The following CDC14A variants were observed in gnomAD, a reference collection of about 807,000 sequenced individuals.
CDC14A encodes the protein cell division cycle 14A, also known as dual specificity protein phosphatase CDC14A.
In CDC14A, 53 loss-of-function variants were observed where a neutral mutation model predicts 74.4. That is an observed-to-expected ratio of 0.71 (90% CI 0.57 to 0.89). The LOEUF (loss-of-function observed/expected upper bound fraction) is 0.89. Ranked by LOEUF, CDC14A falls within the 40% of genes least tolerant of loss-of-function variation. The pLI, the probability that CDC14A is intolerant of heterozygous loss-of-function variation, is 0.00. For synonymous variants in CDC14A, 247 were observed against 258.4 expected, an observed-to-expected ratio of 0.96 and a Z score of 0.43; for missense variants, 646 against 713.7, an observed-to-expected ratio of 0.91 and a Z score of 1.08.
chr1:100,395,734 TA>T (rs1211948721), intron 4 of CDC14A, among the ~76,000 whole-genome samples: 4 of 152,218 alleles, frequency 2.6e-5, no homozygotes, highest in Admixed American at 2.6e-4. Flanking sequence ...GCATAAAATT[TA>T]TCCTTACCAA....
rs376488789 is a variant in CDC14A at position 100,390,758 on chromosome 1, A to G, written c.243A>G (p.Ile81Met). The G allele has an allele frequency of 3.7e-6, 6 of 1,612,508 alleles. No individual in the cohort carries two copies. In the African/African-American group the frequency reaches 8.0e-5, roughly 22 times the overall value. The part of the protein sequence containing the change: ...LKSYSLSRKK[I>M]VHYTCFDQRK... ...CATACAGTTTGTCAAGAAAGAAAAT[A>G]GTGCACTACACCTGTTTTGACCAAC... Residue 81 changes from isoleucine (I) to methionine (M), a missense_variant, in exon 4 of 16, where the codon ATA becomes ATG. Transcript: ENST00000336454.
rs199938137 is a variant in CDC14A, at chr1:100,499,418, C to T, written c.1755+156C>T. ...TCTGTGCTGTGAAACTGTCTATGCA[C>T]TACATTCTGCTAGCTCCTCTTCAAG... is the stretch of plus-strand genomic sequence containing the variant. On this transcript the variant is annotated intron_variant, in intron 15 of 15. Transcript: ENST00000336454. 6 of 1,532,964 alleles carry T rather than the reference C, an allele frequency of 3.9e-6. No homozygotes were observed. The South Asian group carries it at 6.5e-5, about 17-fold the overall frequency. The allele number at this position is 1,532,964 out of a possible 1,614,324, so 95.0% of individuals were successfully genotyped here. A position where few individuals can be genotyped will look rare whatever the true frequency, so the allele number is the denominator to read the frequency against.
intron 4 of CDC14A, chr1:100,393,308 A>G (rs931502496): frequency 3.6e-6 from 4 of 1,102,474 alleles, no homozygotes. Context: ...CTTTCCAGGC[A>G]TTACATCCAT....
At chr1:100,485,571 A>T (rs1227495706) in intron 11 of CDC14A, among the ~76,000 whole-genome samples, 1 of 152,128 alleles carries the variant, frequency 6.6e-6, no homozygotes, top group Admixed American at 6.5e-5. Flanking sequence ...TAAAAAAGTA[A>T]AAAAGAAAAA....
chr1:100,421,088 C>T (rs1662312284), intron 4 of CDC14A, among the ~76,000 whole-genome samples: 1 of 152,142 alleles, frequency 6.6e-6, no homozygotes, highest in Non-Finnish European at 1.5e-5. Context: ...GTACCACCCA[C>T]TAAAATGATG....
intron 4 of CDC14A, among the ~76,000 whole-genome samples, chr1:100,422,237 A>G (rs762312683): frequency 4.6e-5 from 7 of 152,218 alleles, no homozygotes; most frequent in Admixed American, 2.6e-4. Context: ...TAGCCAATCT[A>G]AAGAAGCATT....
rs765155697 is a variant in CDC14A at position 100,455,405 on chromosome 1, C to T, written c.520C>T (p.Arg174Ter). ...FDVDEYEHYE[R>*]VENGDFNWIV... ...CTCTTTTCTTACAAAATTCTGCCAG[C>T]GAGTTGAAAATGGTGACTTCAACTG... The change falls in exon 8 of 16, where the codon CGA becomes TGA. Residue 174 changes from arginine to a stop codon, truncating the protein, a stop_gained and splice_region_variant. Transcript: ENST00000336454. LOFTEE classifies it high-confidence loss of function. The T allele has an allele frequency of 8.8e-6, 14 of 1,593,182 alleles. No individual in the cohort carries two copies. The highest frequency in any genetic ancestry group is 3.5e-5 in the Admixed American group (2 of 57,316).
chr1:100,360,915 C>G (rs1258845162), intron 2 of CDC14A, among the ~76,000 whole-genome samples: 1 of 152,046 alleles, frequency 6.6e-6, no homozygotes, highest in Non-Finnish European at 1.5e-5. Context: ...TGCAGGAGAT[C>G]CCAGTGGGGA....
At chr1:100,459,126 C>CACACACACACACACAG (rs1279905046) in intron 8 of CDC14A, among the ~76,000 whole-genome samples, 2 of 144,576 alleles carry the variant, frequency 1.4e-5, no homozygotes, top group African/African-American at 5.2e-5. Context: ...CACACACACA[C>CACACACACACACACAG]AGAGAGAGAG....
At chr1:100,393,402 G>A in intron 4 of CDC14A, 1 of 817,522 alleles carries the variant, frequency 1.2e-6, no homozygotes, top group Admixed American at 1.7e-5. Flanking sequence ...TTCTTGCCAT[G>A]CAGTAATGCC....
At chr1:100,385,028 G>T (rs538948304) in intron 3 of CDC14A, among the ~76,000 whole-genome samples, 1 of 152,334 alleles carries the variant, frequency 6.6e-6, no homozygotes, top group East Asian at 1.9e-4. Context: ...TGGAATGCAT[G>T]AATTTACAAA....
rs201191239 is a variant in CDC14A, at chr1:100,468,057, G to A, written c.940G>A (p.Gly314Ser). The change falls in exon 10 of 16, where the codon GGC becomes AGC. Residue 314 changes from glycine (G) to serine (S), a missense_variant. Physicochemically the swap from Gly to Ser is moderately conservative, Grantham distance 56. Coordinates refer to ENST00000336454, the MANE Select transcript of CDC14A (RefSeq NM_003672.4). ...TGCTTGGATTAGAATATGCCGGCCAGGCTCTATTATAGGACCCCAGCAGCA... is the reference window on the plus strand; with the variant it reads ...TGCTTGGATTAGAATATGCCGGCCAAGCTCTATTATAGGACCCCAGCAGCA... ...IIAWIRICRPGSIIGPQQHFL... is the reference protein window; with the variant it reads ...IIAWIRICRPSSIIGPQQHFL... 3.1e-6 allele frequency: 5 copies of A among 1,613,324 alleles called. No individual in the cohort carries two copies. Among genetic ancestry groups the A allele is most frequent in the Non-Finnish European group, 4.2e-6 (5 of 1,179,780 alleles).
At chr1:100,440,577 T>C (rs1323207293) in intron 6 of CDC14A, among the ~76,000 whole-genome samples, 1 of 152,202 alleles carries the variant, frequency 6.6e-6, no homozygotes, top group Admixed American at 6.5e-5. Flanking sequence ...TCTGAGAAGT[T>C]ATATAAGCTA....
rs755130829 is a variant in CDC14A at position 100,499,136 on chromosome 1, C to T, written c.1629C>T (p.Asn543=). ...AGTACAACAGAAGCAGCAACAGCAA[C>T]GGGGGCAACCTGAACAGCCCCCCAG... ...NNQYNRSSNS[N]GGNLNSPPGP... Residue 543 remains asparagine (N), a synonymous_variant, in exon 15 of 16, where the codon AAC becomes AAT. Transcript: ENST00000336454. 2.2e-5 allele frequency: 35 copies of T among 1,614,056 alleles called. No individual in the cohort carries two copies. Among genetic ancestry groups the T allele is most frequent in the Non-Finnish European group, 2.8e-5 (33 of 1,180,046 alleles).
At chr1:100,433,044 AT>A (rs1393948008) in intron 5 of CDC14A, among the ~76,000 whole-genome samples, 302 of 148,334 alleles carry the variant, frequency 2.0e-3, no homozygotes, top group African/African-American at 5.3e-3. Context: ...GTCTAATTAA[AT>A]TTTTTTTTTT....
At chr1:100,369,046 G>A (rs984654585) in intron 2 of CDC14A, among the ~76,000 whole-genome samples, 18 of 151,754 alleles carry the variant, frequency 1.2e-4, no homozygotes, top group Non-Finnish European at 1.8e-4. Flanking sequence ...TTAGATTCCC[G>A]CCGCCAACAG....
At chr1:100,421,931 A>C (rs886934714) in intron 4 of CDC14A, among the ~76,000 whole-genome samples, 2 of 152,108 alleles carry the variant, frequency 1.3e-5, no homozygotes, top group Non-Finnish European at 2.9e-5. Flanking sequence ...GGAAAAATCG[A>C]ATTTGGTATT....
At chr1:100,369,269 C>T (rs934503031) in intron 2 of CDC14A, among the ~76,000 whole-genome samples, 2 of 152,026 alleles carry the variant, frequency 1.3e-5, no homozygotes, top group African/African-American at 2.4e-5. Flanking sequence ...CCACCACGCC[C>T]AGCTAATTTT....
intron 3 of CDC14A, among the ~76,000 whole-genome samples, chr1:100,385,132 A>G (rs1405653977): frequency 6.6e-6 from 1 of 152,246 alleles, no homozygotes; most frequent in African/African-American, 2.4e-5. Context: ...CCTTTTTAAG[A>G]GAATGTAGAG....
Sources: gnomAD v4.1 joint callset for allele counts (sites outside exome capture counted in the v4.1 genomes callset) on GRCh38, gnomAD v4.1.1 for gene constraint, MANE v1.5 for transcripts, NCBI Gene and HGNC (gene_info 2026-07-23, HGNC 2026-07-21) for gene names.